MAGI2: variants seen among roughly 807,000 people sequenced by gnomAD.
The protein encoded by MAGI2 is membrane-associated guanylate kinase, WW and PDZ domain-containing protein 2.
A neutral mutation model predicts 133.3 loss-of-function variants in MAGI2; 35 were observed. The observed-to-expected ratio is 0.26, with a 90% CI of 0.20 to 0.35. MAGI2 has a LOEUF of 0.35. Ranked by LOEUF, MAGI2 falls within the 10% of genes least tolerant of loss-of-function variation. The pLI is 1.00. For missense variants in MAGI2, 1,636 were observed against 1,863.4 expected (o/e 0.88, Z 2.25); for synonymous variants, 729 against 710.6 (o/e 1.03, Z -0.41).
intron 1 of MAGI2, among the ~76,000 whole-genome samples, chr7:79,227,436 T>A (rs1225816066): frequency 3.9e-5 from 6 of 152,212 alleles, no homozygotes; most frequent in Admixed American, 1.3e-4. Context: ...TGGCAATACA[T>A]CACATCACAC....
chr7:79,326,782 C>T (rs1355032347), intron 1 of MAGI2, among the ~76,000 whole-genome samples: 3 of 151,822 alleles, frequency 2.0e-5, no homozygotes, highest in East Asian at 1.9e-4. Flanking sequence ...AATGGAGCAA[C>T]TGAGAATTTA....
At chr7:79,300,377 T>G (rs1274326291) in intron 1 of MAGI2, among the ~76,000 whole-genome samples, 2 of 152,342 alleles carry the variant, frequency 1.3e-5, no homozygotes, top group Middle Eastern at 3.4e-3. Flanking sequence ...ACACATGTGA[T>G]GCCTTAGCAA....
At chr7:78,704,007 G>A (rs1416834183) in intron 2 of MAGI2, among the ~76,000 whole-genome samples, 1 of 151,986 alleles carries the variant, frequency 6.6e-6, no homozygotes, top group African/African-American at 2.4e-5. Flanking sequence ...GTGGACATAG[G>A]CCCTGGCAAA....
chr7:79,035,957 GT>G (rs1403075433), intron 1 of MAGI2, among the ~76,000 whole-genome samples: 1 of 152,142 alleles, frequency 6.6e-6, no homozygotes, highest in Non-Finnish European at 1.5e-5. Flanking sequence ...TTTAAAAATT[GT>G]TTGAATAGAA....
chr7:78,708,030 A>G (rs1818824547), intron 2 of MAGI2, among the ~76,000 whole-genome samples: 1 of 152,152 alleles, frequency 6.6e-6, no homozygotes, highest in Non-Finnish European at 1.5e-5. Flanking sequence ...AAGATTTACC[A>G]TGATAAAGTA....
intron 9 of MAGI2, among the ~76,000 whole-genome samples, chr7:78,292,791 C>G (rs1031825301): frequency 1.3e-5 from 2 of 152,180 alleles, no homozygotes; most frequent in Non-Finnish European, 2.9e-5. Context: ...ACATCTACAA[C>G]CATCTGATCT....
intron 2 of MAGI2, among the ~76,000 whole-genome samples, chr7:78,745,131 C>T (rs1822801849): frequency 6.6e-6 from 1 of 152,150 alleles, no homozygotes; most frequent in African/African-American, 2.4e-5. Context: ...TATCTGACTC[C>T]AGAACTTTAA....
rs1797008138 is a variant in MAGI2 at position 78,526,977 on chromosome 7, C to T, written c.539-5332G>A. ...CAGCCGAGATCACGCCACTGCACTC[C>T]AGCATGGTGACAGGGCAAGACTCCA... On this transcript the variant is annotated intron_variant, in intron 3 of 21. Transcript: ENST00000354212. Among the ~76,000 whole-genome samples, 4 of 114,396 alleles carry T rather than the reference C, an allele frequency of 3.5e-5. No individual in the cohort carries two copies. The Admixed American group carries it at 5.3e-4, about 15-fold the overall frequency. The allele number at this position is 114,396 out of a possible 152,430, so 75.0% of individuals were successfully genotyped here.
At chr7:79,115,529 G>T (rs1215584680) in intron 1 of MAGI2, among the ~76,000 whole-genome samples, 1 of 152,078 alleles carries the variant, frequency 6.6e-6, no homozygotes, top group Admixed American at 6.5e-5. Context: ...AGAAAAATCT[G>T]CTCCTATCTG....
intron 6 of MAGI2, among the ~76,000 whole-genome samples, chr7:78,410,250 C>T (rs56366215): frequency 0.015 from 2,351 of 152,050 alleles, 61 homozygotes; most frequent in African/African-American, 0.053. Context: ...ACAGAATAAG[C>T]GGGATTAAAA....
In MAGI2 at chr7:79,065,392, T is replaced by C. The variant is rs573840618; in HGVS notation, c.302-58186A>G. 5.3e-5 allele frequency among the ~76,000 whole-genome samples: 8 copies of C among 152,228 alleles called. No homozygotes were observed. In the South Asian group the frequency reaches 1.7e-3, roughly 32 times the overall value. On this transcript the variant is annotated intron_variant, in intron 1 of 21. Transcript: ENST00000354212. ...ATATTTGTTTGCCTAATGCTTAACATGGTAGCTGACACATGGAAGGTACTC... is the reference window on the plus strand; with the variant it reads ...ATATTTGTTTGCCTAATGCTTAACACGGTAGCTGACACATGGAAGGTACTC...
chr7:78,168,157 C>CA, intron 14 of MAGI2, 49 bp from the exon 15 acceptor site: 1 of 1,487,444 alleles, frequency 6.7e-7, no homozygotes, highest in Non-Finnish European at 9.1e-7. Flanking sequence ...AATCCTTTTT[C>CA]CTTTTTTTTT....
intron 2 of MAGI2, among the ~76,000 whole-genome samples, chr7:78,871,232 AC>A: frequency 6.6e-6 from 1 of 152,178 alleles, no homozygotes; most frequent in South Asian, 2.1e-4. Context: ...AATGGCGTGA[AC>A]CCAGGAGGCG....
chr7:79,289,271 C>A (rs998536422), intron 1 of MAGI2, among the ~76,000 whole-genome samples: 3 of 152,120 alleles, frequency 2.0e-5, no homozygotes, highest in Admixed American at 1.3e-4. Context: ...TGATCTCATG[C>A]TCTCATAACT....
At chr7:78,253,752 G>T (rs1792673348) in intron 10 of MAGI2, 1 of 152,086 alleles carries the variant, frequency 6.6e-6, no homozygotes, top group African/African-American at 2.4e-5. Flanking sequence ...GTTAAACCAT[G>T]TACATTATTA....
intron 1 of MAGI2, among the ~76,000 whole-genome samples, chr7:79,304,181 A>ATGTGTGTGTGTGTGTGTG (rs373644525): frequency 1.2e-3 from 177 of 142,218 alleles, no homozygotes; most frequent in Middle Eastern, 3.7e-3. Flanking sequence ...TTCAACTGGG[A>ATGTGTGTGTGTGTGTGTG]TGTGTGTGTG....
chr7:78,438,544 T>C (rs1787284206), intron 6 of MAGI2, among the ~76,000 whole-genome samples: 1 of 152,166 alleles, frequency 6.6e-6, no homozygotes, highest in Non-Finnish European at 1.5e-5. Flanking sequence ...GCGGTTCCTT[T>C]ATGAGCGTGC....
intron 1 of MAGI2, among the ~76,000 whole-genome samples, chr7:79,091,081 T>C (rs1014183984): frequency 3.9e-5 from 6 of 152,094 alleles, no homozygotes; most frequent in African/African-American, 1.4e-4. Flanking sequence ...TTACCTCTTA[T>C]CTTCTTCTCC....
At chr7:79,175,987 C>T (rs991748567) in intron 1 of MAGI2, among the ~76,000 whole-genome samples, 3 of 151,990 alleles carry the variant, frequency 2.0e-5, no homozygotes, top group African/African-American at 7.3e-5. Flanking sequence ...TTACCTCTCT[C>T]ACCTGTTAAA....
Sources: gnomAD v4.1 joint callset for allele counts (sites outside exome capture counted in the v4.1 genomes callset) on GRCh38, gnomAD v4.1.1 for gene constraint, MANE v1.5 for transcripts, NCBI Gene and HGNC (gene_info 2026-07-23, HGNC 2026-07-21) for gene names.